Variants in BTBD7 observed in about 807,000 individuals in gnomAD.
BTBD7 encodes BTB/POZ domain-containing protein 7.
A neutral mutation model predicts 99.9 loss-of-function variants in BTBD7; 38 were observed. That is an observed-to-expected ratio of 0.38 (90% CI 0.29 to 0.50). The LOEUF (loss-of-function observed/expected upper bound fraction) is 0.50. BTBD7 is among the 20% of genes least tolerant of loss of function. The probability of loss-of-function intolerance (pLI) is 0.93; values close to 1 mark genes in which losing one functional copy is unlikely to be tolerated. For missense variants in BTBD7, 1,170 were observed against 1,394.6 expected (o/e 0.84, Z 2.57); for synonymous variants, 520 against 511.4 (o/e 1.02, Z -0.23).
At chr14:93,248,881 T>C (rs1474215612) in intron 8 of BTBD7, among the ~76,000 whole-genome samples, 1 of 152,070 alleles carries the variant, frequency 6.6e-6, no homozygotes, top group East Asian at 1.9e-4. Flanking sequence ...ACAGCCCGAG[T>C]TGTATTATTT....
intron 1 of BTBD7, among the ~76,000 whole-genome samples, chr14:93,311,731 T>C (rs370599271): frequency 1.4e-5 from 2 of 146,980 alleles, no homozygotes; most frequent in South Asian, 2.2e-4. Flanking sequence ...ATATGATCCA[T>C]GAAAATATTT....
At chr14:93,256,964 G>A (rs559438546) in intron 6 of BTBD7, 1 of 479,914 alleles carries the variant, frequency 2.1e-6, no homozygotes, top group African/African-American at 2.0e-5. Flanking sequence ...TAATGCTCTT[G>A]CATGAGTAAG....
At chr14:93,289,802 T>G (rs1378296349) in intron 3 of BTBD7, among the ~76,000 whole-genome samples, 1 of 151,434 alleles carries the variant, frequency 6.6e-6, no homozygotes, top group Non-Finnish European at 1.5e-5. Context: ...TCCTCCCTAC[T>G]GATATAAAAC....
chr14:93,252,910 G>T (rs1423942161), intron 7 of BTBD7, among the ~76,000 whole-genome samples: 1 of 150,720 alleles, frequency 6.6e-6, no homozygotes, highest in Non-Finnish European at 1.5e-5. Context: ...TGCAGCCTTT[G>T]CCTCCCAGGC....
At chr14:93,306,047 A>G (rs2053065822) in intron 1 of BTBD7, among the ~76,000 whole-genome samples, 2 of 152,244 alleles carry the variant, frequency 1.3e-5, no homozygotes, top group Non-Finnish European at 2.9e-5. Flanking sequence ...TTCCCAACAC[A>G]TGCAATGTGG....
intron 3 of BTBD7, among the ~76,000 whole-genome samples, chr14:93,274,712 T>A (rs966671668): frequency 6.6e-6 from 1 of 152,184 alleles, no homozygotes; most frequent in South Asian, 2.1e-4. Context: ...AATAAACTTT[T>A]TGCTTGCAAG....
In BTBD7 at chr14:93,295,055, C is replaced by T; in HGVS notation, c.83-118G>A. On this transcript the variant is annotated intron_variant, in intron 2 of 10. Coordinates refer to ENST00000334746, the MANE Select transcript of BTBD7 (RefSeq NM_001002860.4). Reference sequence around the variant, plus strand: ...GACATTACCGAACCACTCAAAATTGCATTTGTTTTTTATAAAGGAAGACAA... The same window carrying T: ...GACATTACCGAACCACTCAAAATTGTATTTGTTTTTTATAAAGGAAGACAA... The T allele has an allele frequency of 5.0e-6, 5 of 998,992 alleles. No individual in the cohort carries two copies. The South Asian group carries it at 7.9e-5, about 16-fold the overall frequency. 61.9% of individuals were successfully genotyped at this position (998,992 alleles called of 1,614,324 possible). A position where few individuals can be genotyped will look rare whatever the true frequency, so the allele number is the denominator to read the frequency against.
rs1471995120 is a variant in BTBD7, at chr14:93,240,292, G to A, written c.*1981C>T. 8 of 152,628 alleles carry A rather than the reference G, an allele frequency of 5.2e-5. No individual in the cohort carries two copies. Among genetic ancestry groups the A allele is most frequent in the East Asian group, 1.9e-4 (1 of 5,190 alleles). 9.5% of individuals were successfully genotyped at this position (152,628 alleles called of 1,614,324 possible). On this transcript the variant is annotated 3_prime_UTR_variant, in exon 11 of 11. Coordinates refer to ENST00000334746, the MANE Select transcript of BTBD7 (RefSeq NM_001002860.4). ...AGTTTGCCGGGGCGTGCAGACACACGACATGTTTCCCATCTTGGAGACTAT... is the reference window on the plus strand; with the variant it reads ...AGTTTGCCGGGGCGTGCAGACACACAACATGTTTCCCATCTTGGAGACTAT...
intron 4 of BTBD7, among the ~76,000 whole-genome samples, chr14:93,262,491 T>G (rs1402483144): frequency 6.6e-6 from 1 of 152,148 alleles, no homozygotes; most frequent in Non-Finnish European, 1.5e-5. Context: ...CCACTTCCTA[T>G]TTTAAATTTA....
At chr14:93,314,192 G>C (rs1050283155) in intron 1 of BTBD7, among the ~76,000 whole-genome samples, 2 of 152,044 alleles carry the variant, frequency 1.3e-5, no homozygotes, top group African/African-American at 4.8e-5. Flanking sequence ...AATCTCCAAA[G>C]AGTAACAAAC....
chr14:93,241,985 A>G lies in BTBD7; in HGVS notation c.*288T>C. ...AAAATAAATGTACAAGTGCAAAAAA[A>G]TTCCATCATTTGTAAAGAGAAATAA... On this transcript the variant is annotated 3_prime_UTR_variant, in exon 11 of 11. Transcript: ENST00000334746. 2.3e-6 allele frequency: 1 copy of G among 439,930 alleles called. No homozygotes were observed. The highest frequency in any genetic ancestry group is 3.9e-5 in the Admixed American group (1 of 25,772). 27.3% of individuals were successfully genotyped at this position (439,930 alleles called of 1,614,324 possible). A position where few individuals can be genotyped will look rare whatever the true frequency, so the allele number is the denominator to read the frequency against.
intron 10 of BTBD7, among the ~76,000 whole-genome samples, chr14:93,245,161 CA>C (rs11365837): frequency 0.65 from 84,858 of 129,900 alleles, 26,244 homozygotes; most frequent in East Asian, 0.9. Flanking sequence ...GGCACCTGGC[CA>C]AAAAAAAAAA....
At chr14:93,267,026 G>A (rs2052550315) in intron 3 of BTBD7, among the ~76,000 whole-genome samples, 1 of 152,178 alleles carries the variant, frequency 6.6e-6, no homozygotes, top group South Asian at 2.1e-4. Context: ...TTGTTTTAAA[G>A]TGGGCATTGG....
intron 1 of BTBD7, among the ~76,000 whole-genome samples, chr14:93,316,104 A>C (rs1595339319): frequency 6.6e-6 from 1 of 152,042 alleles, no homozygotes; most frequent in East Asian, 1.9e-4. Flanking sequence ...GGCATCTGCC[A>C]CCATGCCCAG....
At position 93,242,904 on chromosome 14, in the gene BTBD7, G is replaced by C; in HGVS notation, c.2768C>G (p.Ser923Cys). The change falls in exon 11 of 11, where the codon TCT becomes TGT. Residue 923 changes from serine to cysteine, a missense_variant. Around this residue, in one of 4 missense-constraint regions of BTBD7, gnomAD observed 495 missense variants for 525.9 expected, o/e 0.94. Coordinates refer to ENST00000334746, the MANE Select transcript of BTBD7 (RefSeq NM_001002860.4). ...SCIPQRHTHT[S>C]RKKHTLEQKT... ...TTGCTCTAGTGTGTGTTTTTTCCGA[G>C]AAGTGTGTGTATGTCTCTGTGGAAT... is the stretch of plus-strand genomic sequence containing the variant. 1 of 1,614,128 alleles carries C rather than the reference G, an allele frequency of 6.2e-7. No individual in the cohort carries two copies. Among genetic ancestry groups the C allele is most frequent in the African/African-American group, 1.3e-5 (1 of 75,018 alleles).
intron 1 of BTBD7, among the ~76,000 whole-genome samples, chr14:93,316,568 T>G (rs2053209001): frequency 1.3e-5 from 2 of 152,204 alleles, no homozygotes; most frequent in South Asian, 4.1e-4. Flanking sequence ...TTTTTAATTA[T>G]TGTTCCCTTT....
intron 3 of BTBD7, among the ~76,000 whole-genome samples, chr14:93,275,558 T>C (rs185174824): frequency 1.8e-4 from 27 of 152,322 alleles, no homozygotes; most frequent in Non-Finnish European, 3.2e-4. Context: ...AGAAATACCA[T>C]CTGAGAAAAG....
At position 93,289,516 on chromosome 14, in the gene BTBD7, T is replaced by A. The variant is rs1396375517; in HGVS notation, c.1162+4342A>T. ...CATCTAATTACAGGCTGCTCCTCTG[T>A]TAAGCCAGTAATCAAGTCTCTATCT... On this transcript the variant is annotated intron_variant, in intron 3 of 10. Transcript: ENST00000334746. Among the ~76,000 whole-genome samples, 4 of 152,342 alleles carry A rather than the reference T, an allele frequency of 2.6e-5. No individual in the cohort carries two copies. The East Asian group carries it at 7.7e-4, about 29-fold the overall frequency.
Position 93,332,598 on chromosome 14 carries a change from C to G in BTBD7, c.-107+222G>C, listed in dbSNP as rs534759086. Among the ~76,000 whole-genome samples the G allele has an allele frequency of 2.0e-5, 3 of 151,806 alleles. No individual in the cohort carries two copies. In the South Asian group the frequency reaches 6.2e-4, roughly 31 times the overall value. ...GGACGGCGGCGCGCTCCAGCCCGCC[C>G]CTCGGAGCGCACAGAGACCGGCCAG... On this transcript the variant is annotated intron_variant, in intron 1 of 10. Transcript: ENST00000334746.
Sources: gnomAD v4.1 joint callset for allele counts (sites outside exome capture counted in the v4.1 genomes callset) on GRCh38, gnomAD v4.1.1 for gene constraint, gnomAD v4.1.1 regional missense constraint, MANE v1.5 for transcripts, NCBI Gene and HGNC (gene_info 2026-07-23, HGNC 2026-07-21) for gene names.